The following DEPTOR variants were observed in gnomAD, a reference collection of about 807,000 sequenced individuals.
DEPTOR encodes DEP domain containing MTOR interacting protein.
A neutral mutation model predicts 41.6 loss-of-function variants in DEPTOR; 41 were observed. The observed-to-expected ratio is 0.98, with a 90% CI of 0.77 to 1.28. The LOEUF (loss-of-function observed/expected upper bound fraction) is 1.28. Among genes scored for constraint, DEPTOR ranks in the 50% most tolerant of loss-of-function variants. The probability of loss-of-function intolerance (pLI) is 0.00; values close to 1 mark genes in which losing one functional copy is unlikely to be tolerated. For synonymous variants in DEPTOR, 195 were observed against 192.3 expected (o/e 1.01, Z -0.12); for missense variants, 514 against 527.9 (o/e 0.97, Z 0.26).
chr8:120,018,544 G>T (rs749489102), intron 8 of DEPTOR, among the ~76,000 whole-genome samples: 1 of 151,936 alleles, frequency 6.6e-6, no homozygotes, highest in Non-Finnish European at 1.5e-5. Flanking sequence ...ACGCCACTGC[G>T]CTCCAGCTTG....
At chr8:119,983,218 A>G (rs1828788908) in intron 4 of DEPTOR, among the ~76,000 whole-genome samples, 1 of 151,818 alleles carries the variant, frequency 6.6e-6, no homozygotes, top group African/African-American at 2.4e-5. Context: ...TATCTGTACT[A>G]TCTTTGCAGC....
At chr8:120,048,853 G>A (rs1480037708) in intron 8 of DEPTOR, among the ~76,000 whole-genome samples, 1 of 152,078 alleles carries the variant, frequency 6.6e-6, no homozygotes, top group South Asian at 2.1e-4. Context: ...TAGAAGAGGA[G>A]AAATTACTTG....
chr8:119,900,740 A>G (rs1446113004), intron 1 of DEPTOR, among the ~76,000 whole-genome samples: 1 of 152,074 alleles, frequency 6.6e-6, no homozygotes, highest in African/African-American at 2.4e-5. Context: ...TATTTATATT[A>G]AAGTATTGCC....
At chr8:119,881,350 C>T (rs1401191016) in intron 1 of DEPTOR, among the ~76,000 whole-genome samples, 2 of 151,970 alleles carry the variant, frequency 1.3e-5, no homozygotes, top group African/African-American at 2.4e-5. Context: ...AGTGAAATCC[C>T]GTCTCTGCTA....
chr8:120,044,371 A>G (rs10095205), intron 8 of DEPTOR, among the ~76,000 whole-genome samples: 66,935 of 151,868 alleles, frequency 0.44, 15,692 homozygotes, highest in African/African-American at 0.6. Flanking sequence ...GTGATCTACC[A>G]GCCTTGGCTT....
chr8:119,936,001 T>TG (rs1226962570), intron 3 of DEPTOR, among the ~76,000 whole-genome samples: 3 of 62,132 alleles, frequency 4.8e-5, no homozygotes, highest in South Asian at 5.7e-4. Context: ...GTCTAGTTGT[T>TG]TTTTTTTTTT....
chr8:119,956,172 T>C (rs1828414689), intron 3 of DEPTOR, among the ~76,000 whole-genome samples: 1 of 152,204 alleles, frequency 6.6e-6, no homozygotes, highest in Non-Finnish European at 1.5e-5. Context: ...GAGTAGCTTG[T>C]CATATGGCAA....
chr8:119,881,826 C>T (rs1486070243), intron 1 of DEPTOR, among the ~76,000 whole-genome samples: 3 of 152,066 alleles, frequency 2.0e-5, no homozygotes, highest in African/African-American at 7.2e-5. Flanking sequence ...TGAAGAGTCC[C>T]TGTATTTGGA....
At chr8:119,995,096 T>A (rs1812239274) in intron 4 of DEPTOR, among the ~76,000 whole-genome samples, 1 of 152,160 alleles carries the variant, frequency 6.6e-6, no homozygotes, top group East Asian at 1.9e-4. Context: ...AAGTCTAAAA[T>A]GAAGAAGGCT....
chr8:120,013,295 T>C (rs964481796), intron 8 of DEPTOR, among the ~76,000 whole-genome samples: 1 of 152,224 alleles, frequency 6.6e-6, no homozygotes, highest in Non-Finnish European at 1.5e-5. Flanking sequence ...ATTACAATGA[T>C]AGCAAATACC....
intron 8 of DEPTOR, among the ~76,000 whole-genome samples, chr8:120,044,584 G>C (rs1276132146): frequency 6.6e-6 from 1 of 152,180 alleles, no homozygotes; most frequent in Non-Finnish European, 1.5e-5. Flanking sequence ...TGTGAATAGG[G>C]GGAGGGCAGG....
intron 4 of DEPTOR, 89 bp downstream of exon 4, chr8:119,965,499 A>C: frequency 1.5e-5 from 22 of 1,476,536 alleles, no homozygotes; most frequent in East Asian, 4.6e-5. Flanking sequence ...TTTCTCACTC[A>C]TGAATCTGTA....
At chr8:119,964,112 G>C (rs10105766) in intron 3 of DEPTOR, among the ~76,000 whole-genome samples, 113,928 of 152,014 alleles carry the variant, frequency 0.75, 42,780 homozygotes, top group Middle Eastern at 0.86. Flanking sequence ...TGTCTGTTTT[G>C]ATAAGGGCAC....
At chr8:119,939,944 G>A (rs189958635) in intron 3 of DEPTOR, among the ~76,000 whole-genome samples, 67 of 152,110 alleles carry the variant, frequency 4.4e-4, no homozygotes, top group Admixed American at 1.1e-3. Flanking sequence ...CAGGCCAGGC[G>A]CAGTGGCTCA....
chr8:119,908,612 G>C (rs1827698307), intron 1 of DEPTOR, among the ~76,000 whole-genome samples: 1 of 151,804 alleles, frequency 6.6e-6, no homozygotes, highest in African/African-American at 2.4e-5. Flanking sequence ...AGTGGGGGCA[G>C]TCTTGTGGGA....
At chr8:120,005,041 C>T (rs1812412489) in intron 6 of DEPTOR, among the ~76,000 whole-genome samples, 1 of 151,888 alleles carries the variant, frequency 6.6e-6, no homozygotes, top group Non-Finnish European at 1.5e-5. Flanking sequence ...AAAAGTTTTC[C>T]CTAGGCCTCA....
chr8:119,965,301 C>A lies in DEPTOR; in HGVS notation c.495C>A (p.Phe165Leu), dbSNP rs1359872928. 2.5e-6 allele frequency: 4 copies of A among 1,614,022 alleles called. No homozygotes were observed. In the African/African-American group the frequency reaches 5.3e-5, roughly 22 times the overall value. Reference sequence around the variant, plus strand: ...AAGGGGTCAAGTATGAGCGCACCTTCATGGCATCTGAATTCCTGGACTGGC... The same window carrying A: ...AAGGGGTCAAGTATGAGCGCACCTTAATGGCATCTGAATTCCTGGACTGGC... ...EEEGVKYERTFMASEFLDWLV... is the reference protein window; with the variant it reads ...EEEGVKYERTLMASEFLDWLV... Residue 165 changes from phenylalanine to leucine, a missense_variant, in exon 4 of 9, where the codon TTC becomes TTA. By Grantham distance (22) the Phe-to-Leu change is conservative (BLOSUM62 0). Coordinates refer to ENST00000286234, the MANE Select transcript of DEPTOR (RefSeq NM_022783.4).
At chr8:119,992,758 G>A (rs1460752316) in intron 4 of DEPTOR, among the ~76,000 whole-genome samples, 1 of 150,282 alleles carries the variant, frequency 6.7e-6, no homozygotes, top group Non-Finnish European at 1.5e-5. Flanking sequence ...CTGGGTTCAA[G>A]TGATTCTCGT....
intron 1 of DEPTOR, among the ~76,000 whole-genome samples, chr8:119,878,935 A>G (rs1351514510): frequency 1.3e-5 from 2 of 151,312 alleles, no homozygotes; most frequent in African/African-American, 4.9e-5. Context: ...ACATGGAGAA[A>G]CCCCATCTCT....
Sources: allele counts gnomAD v4.1 joint callset (sites outside exome capture counted in the v4.1 genomes callset), GRCh38; gene constraint gnomAD v4.1.1; transcripts MANE v1.5; gene names NCBI Gene and HGNC (gene_info 2026-07-23, HGNC 2026-07-21).